The following PCDHGA1 variants were observed in gnomAD, a reference collection of about 807,000 sequenced individuals.
PCDHGA1 encodes protocadherin gamma subfamily A, 1.
PCDHGA1 carries 32 observed loss-of-function variants against 58.0 expected under a neutral mutation model. That is an observed-to-expected ratio of 0.55 (90% CI 0.42 to 0.74). The LOEUF (loss-of-function observed/expected upper bound fraction) is 0.74. Among genes scored for constraint, PCDHGA1 ranks in the 30% least tolerant of loss-of-function variants. PCDHGA1 has a pLI of 0.00. For synonymous variants in PCDHGA1, 498 were observed against 501.1 expected, an observed-to-expected ratio of 0.99 and a Z score of 0.08; for missense variants, 1,205 against 1,182.3, an observed-to-expected ratio of 1.02 and a Z score of -0.28.
Position 141,486,632 on chromosome 5 carries a change from A to G in PCDHGA1, c.2422-8175A>G, listed in dbSNP as rs1304397413. The G allele has an allele frequency of 6.2e-7, 1 of 1,613,580 alleles. No individual in the cohort carries two copies. Among genetic ancestry groups the G allele is most frequent in the Non-Finnish European group, 8.5e-7 (1 of 1,180,040 alleles). ...AGCCTCTGACCCAGACTCTGGCTTG[A>G]ATGCGCTTATCTCCTACTCACTCCT... On this transcript the variant is annotated intron_variant, in intron 1 of 3. Coordinates refer to ENST00000517417, the MANE Select transcript of PCDHGA1 (RefSeq NM_018912.3). This position sits in a 1 kb window ranked among gnomAD's most constrained non-coding sequence, Gnocchi z 5.0.
chr5:141,404,641 G>C, intron 1 of PCDHGA1: 2 of 1,614,178 alleles, frequency 1.2e-6, no homozygotes, highest in Non-Finnish European at 1.7e-6. Context: ...CAGAAATCCT[G>C]TACCCTGCCC....
intron 1 of PCDHGA1, chr5:141,426,420 C>T (rs2096934904): frequency 3.5e-6 from 1 of 287,972 alleles, no homozygotes; most frequent in Non-Finnish European, 6.9e-6. Flanking sequence ...TCCAGGGCTC[C>T]GTGGTGGGGA....
chr5:141,366,152 C>T (rs62378419), intron 1 of PCDHGA1: 45,753 of 1,614,134 alleles, frequency 0.028, 734 homozygotes, highest in Middle Eastern at 0.089. Flanking sequence ...GTCCTACCGC[C>T]TGCTTAAGGC....
intron 1 of PCDHGA1, chr5:141,389,404 C>G (rs2091742660): frequency 6.2e-7 from 1 of 1,613,498 alleles, no homozygotes; most frequent in African/African-American, 1.3e-5. Flanking sequence ...TCCATAAGCG[C>G]GGAGAGCGGG....
chr5:141,410,774 C>G, intron 1 of PCDHGA1: 4 of 955,126 alleles, frequency 4.2e-6, no homozygotes, highest in Non-Finnish European at 5.8e-6. Context: ...ATAGTTTTCA[C>G]TATGTATTTG....
At chr5:141,352,514 A>G (rs752533199) in intron 1 of PCDHGA1, 2 of 1,613,960 alleles carry the variant, frequency 1.2e-6, no homozygotes, top group Admixed American at 1.7e-5. Flanking sequence ...CAATCTATGT[A>G]TTGCCTCTCA....
In PCDHGA1 at chr5:141,476,101, A is replaced by G; in HGVS notation, c.2422-18706A>G. The G allele has an allele frequency of 6.3e-7, 1 of 1,576,386 alleles. No individual in the cohort carries two copies. Among genetic ancestry groups the G allele is most frequent in the East Asian group, 2.2e-5 (1 of 44,540 alleles). On this transcript the variant is annotated intron_variant, in intron 1 of 3. Coordinates refer to ENST00000517417, the MANE Select transcript of PCDHGA1 (RefSeq NM_018912.3). This position sits in a 1 kb window ranked among gnomAD's most constrained non-coding sequence, Gnocchi z 7.6. ...GACGATCTGGACCCCGCTGAGAGGA[A>G]CTGCTTTTGAGTGAGATGGTCCCAG... is the stretch of plus-strand genomic sequence containing the variant.
At chr5:141,389,855 G>GAGAGC (rs2091946783) in intron 1 of PCDHGA1, 1 of 1,613,942 alleles carries the variant, frequency 6.2e-7, no homozygotes, top group Non-Finnish European at 8.5e-7. Flanking sequence ...CCACTGCCAC[G>GAGAGC]TTGCACCTGG....
intron 1 of PCDHGA1, among the ~76,000 whole-genome samples, chr5:141,444,175 TTTTTTTTTTTTTTG>T (rs2098423325): frequency 7.6e-6 from 1 of 131,192 alleles, no homozygotes; most frequent in African/African-American, 3.0e-5. Flanking sequence ...TTTTTTTTTT[TTTTTTTTTTTTTTG>T]AGATGGAGTT....
chr5:141,422,968 C>T lies in PCDHGA1; in HGVS notation c.2422-71839C>T. 6.2e-7 allele frequency: 1 copy of T among 1,614,240 alleles called. No homozygotes were observed. Among genetic ancestry groups the T allele is most frequent in the South Asian group, 1.1e-5 (1 of 91,086 alleles). On this transcript the variant is annotated intron_variant, in intron 1 of 3. Coordinates refer to ENST00000517417, the MANE Select transcript of PCDHGA1 (RefSeq NM_018912.3). ...CTCCACTGGCGTGGAGCTGGCGCCC[C>T]GCTCTGCGGAACCTGGCTACCTGGT...
At chr5:141,404,950 C>T (rs2094588760) in intron 1 of PCDHGA1, 2 of 1,613,968 alleles carry the variant, frequency 1.2e-6, no homozygotes, top group East Asian at 4.5e-5. Flanking sequence ...CCATAGCTGA[C>T]AGCATCCCAG....
chr5:141,377,133 G>A (rs1013848288), intron 1 of PCDHGA1: 25 of 152,138 alleles, frequency 1.6e-4, no homozygotes, highest in African/African-American at 5.8e-4. Flanking sequence ...ATTTTGTGGG[G>A]GAAAATAATG....
rs60063068 is a variant in PCDHGA1, at chr5:141,477,262, C to T, written c.2422-17545C>T. The T allele has an allele frequency of 1.9e-4, 313 of 1,614,138 alleles. No individual in the cohort carries two copies. In the African/African-American group the frequency reaches 3.7e-3, roughly 19 times the overall value. On this transcript the variant is annotated intron_variant, in intron 1 of 3. Coordinates refer to ENST00000517417, the MANE Select transcript of PCDHGA1 (RefSeq NM_018912.3). This position sits in a 1 kb window ranked among gnomAD's most constrained non-coding sequence, Gnocchi z 4.9. ...TCAGTGTGACTGACCTGGATGCTGG[C>T]GAGAACGGGCTGGTGACCTGCGAAG...
At chr5:141,389,438 C>G in intron 1 of PCDHGA1, 1 of 1,610,592 alleles carries the variant, frequency 6.2e-7, no homozygotes, top group East Asian at 2.2e-5. Context: ...AGCGCGCCTT[C>G]GACCACGAGC....
At chr5:141,345,240 C>A (rs757266874) in intron 1 of PCDHGA1, 2 of 1,613,924 alleles carry the variant, frequency 1.2e-6, no homozygotes, top group East Asian at 4.5e-5. Flanking sequence ...TCAATATTAC[C>A]GCTTAGTGAC....
At chr5:141,423,563 C>G (rs745802952) in intron 1 of PCDHGA1, 3 of 1,613,550 alleles carry the variant, frequency 1.9e-6, no homozygotes, top group Admixed American at 1.7e-5. Flanking sequence ...TATGGGGACA[C>G]GCTCATCAGC....
At chr5:141,356,148 C>T (rs1760128442) in intron 1 of PCDHGA1, 2 of 1,613,436 alleles carry the variant, frequency 1.2e-6, no homozygotes, top group African/African-American at 1.3e-5. Context: ...GATTCTATGA[C>T]ATAGATGTAG....
intron 1 of PCDHGA1, chr5:141,362,210 T>C (rs1343767561): frequency 1.2e-6 from 2 of 1,613,942 alleles, no homozygotes; most frequent in Non-Finnish European, 1.7e-6. Context: ...CAGTTTTACC[T>C]GGTTGTGGCC....
At chr5:141,365,298 A>G in intron 1 of PCDHGA1, 1 of 1,613,990 alleles carries the variant, frequency 6.2e-7, no homozygotes, top group Non-Finnish European at 8.5e-7. Context: ...GTAGCTCAGG[A>G]TGGAGGCGCT....
Sources: allele counts gnomAD v4.1 joint callset (sites outside exome capture counted in the v4.1 genomes callset), GRCh38; gene constraint gnomAD v4.1.1; non-coding constraint Gnocchi (gnomAD v3.1); transcripts MANE v1.5; gene names NCBI Gene and HGNC (gene_info 2026-07-23, HGNC 2026-07-21).